Variants in CIMIP5 observed in about 807,000 individuals in gnomAD.
The protein encoded by CIMIP5 is uncharacterized protein C2orf50.
the CIMIP5 span, chr2:11,144,358 G>A: frequency 3.2e-6 from 1 of 309,028 alleles, no homozygotes; most frequent in East Asian, 5.2e-5. Context: ...GGGAACTCAT[G>A]GGTGCCCCAT....
chr2:11,139,166 C>T, the CIMIP5 span, among the ~76,000 whole-genome samples: 1 of 152,308 alleles, frequency 6.6e-6, no homozygotes, highest in Non-Finnish European at 1.5e-5. Flanking sequence ...GATCCACCCA[C>T]CTTAGCTTCC....
chr2:11,134,469 A>G, the CIMIP5 span, among the ~76,000 whole-genome samples: 3 of 152,198 alleles, frequency 2.0e-5, no homozygotes, highest in Non-Finnish European at 2.9e-5. Flanking sequence ...ATACCCGTTG[A>G]TTAGCAACGC....
chr2:11,137,880 C>T, the CIMIP5 span, among the ~76,000 whole-genome samples: 1 of 152,196 alleles, frequency 6.6e-6, no homozygotes, highest in Non-Finnish European at 1.5e-5. Context: ...GAGTCTTGCT[C>T]TGTCACCCAG....
chr2:11,149,799 G>A, the CIMIP5 span, among the ~76,000 whole-genome samples: 243 of 152,230 alleles, frequency 1.6e-3, 1 homozygote, highest in Admixed American at 1.5e-3. Flanking sequence ...GATTCAGCCC[G>A]TGATCCTTGA....
chr2:11,153,985 A>G, the CIMIP5 span, among the ~76,000 whole-genome samples: 2 of 150,816 alleles, frequency 1.3e-5, no homozygotes, highest in Non-Finnish European at 2.9e-5. Context: ...CATATTATTT[A>G]TTTATTTTTG....
the CIMIP5 span, among the ~76,000 whole-genome samples, chr2:11,141,862 T>C: frequency 6.6e-6 from 1 of 152,112 alleles, no homozygotes; most frequent in Non-Finnish European, 1.5e-5. Flanking sequence ...AATTCATCAC[T>C]GCACCCTATC....
chr2:11,141,489 A>G, the CIMIP5 span, among the ~76,000 whole-genome samples: 4 of 152,040 alleles, frequency 2.6e-5, no homozygotes, highest in African/African-American at 9.7e-5. Context: ...ATGTCCTTCC[A>G]CCTGGTCAGC....
the CIMIP5 span, among the ~76,000 whole-genome samples, chr2:11,151,553 G>A: frequency 1.3e-5 from 2 of 152,218 alleles, no homozygotes; most frequent in Non-Finnish European, 2.9e-5. Context: ...CCAGCTGTGC[G>A]GGAGATTGGA....
chr2:11,140,586 A>C, the CIMIP5 span: 26 of 1,464,646 alleles, frequency 1.8e-5, no homozygotes, highest in African/African-American at 3.6e-4. Context: ...CATACTTGCA[A>C]TTGAATATTA....
chr2:11,143,766 G>A, the CIMIP5 span, among the ~76,000 whole-genome samples: 7 of 152,200 alleles, frequency 4.6e-5, no homozygotes, highest in South Asian at 2.1e-4. Context: ...CTGTGGCATC[G>A]GGTCACTCTT....
chr2:11,136,847 A>G, the CIMIP5 span, among the ~76,000 whole-genome samples: 1 of 152,266 alleles, frequency 6.6e-6, no homozygotes, highest in African/African-American at 2.4e-5. Flanking sequence ...ACAATGGATC[A>G]GAAGAGGCGA....
the CIMIP5 span, among the ~76,000 whole-genome samples, chr2:11,139,992 CA>C: frequency 2.1e-4 from 31 of 147,858 alleles, no homozygotes; most frequent in Admixed American, 1.9e-3. Context: ...GAGGCTGAGA[CA>C]GGGGAATTGC....
chr2:11,150,799 C>A, the CIMIP5 span, among the ~76,000 whole-genome samples: 6 of 151,728 alleles, frequency 4.0e-5, no homozygotes, highest in South Asian at 1.2e-3. Context: ...TACATGCCTC[C>A]CTCACAATTT....
chr2:11,135,501 G>A, the CIMIP5 span, among the ~76,000 whole-genome samples: 1 of 152,036 alleles, frequency 6.6e-6, no homozygotes, highest in Non-Finnish European at 1.5e-5. Context: ...TGTGATCTCG[G>A]CTCATTGCAA....
the CIMIP5 span, among the ~76,000 whole-genome samples, chr2:11,136,142 C>G: frequency 6.6e-6 from 1 of 152,102 alleles, no homozygotes; most frequent in Non-Finnish European, 1.5e-5. Flanking sequence ...TGATGTAATC[C>G]CATCTGTCTA....
the CIMIP5 span, among the ~76,000 whole-genome samples, chr2:11,134,482 C>T: frequency 1.3e-5 from 2 of 152,224 alleles, no homozygotes; most frequent in Admixed American, 1.3e-4. Context: ...AGCAACGCCC[C>T]ATTCCCCCTC....
chr2:11,140,154 G>A, the CIMIP5 span, among the ~76,000 whole-genome samples: 92 of 149,492 alleles, frequency 6.2e-4, no homozygotes, highest in African/African-American at 2.2e-3. Context: ...TTGGGAGGCC[G>A]AGGCGGGCGG....
chr2:11,154,303 A>G, the CIMIP5 span, among the ~76,000 whole-genome samples: 2 of 151,700 alleles, frequency 1.3e-5, no homozygotes, highest in Non-Finnish European at 2.9e-5. Context: ...TTCCCTTCTG[A>G]ACATCCTTTT....
At chr2:11,147,498 T>C in the CIMIP5 span, among the ~76,000 whole-genome samples, 2 of 152,150 alleles carry the variant, frequency 1.3e-5, no homozygotes, top group African/African-American at 4.8e-5. Flanking sequence ...TGCTCACAGG[T>C]CTGCATGTAG....
Sources: gnomAD v4.1 joint callset for allele counts (sites outside exome capture counted in the v4.1 genomes callset) on GRCh38, gnomAD v4.1.1 for gene constraint, MANE v1.5 for transcripts, NCBI Gene and HGNC (gene_info 2026-07-23, HGNC 2026-07-21) for gene names.